Variants in TRAK1 observed in about 807,000 individuals in gnomAD.
TRAK1 encodes the protein trafficking kinesin-binding protein 1.
A neutral mutation model predicts 92.1 loss-of-function variants in TRAK1; 33 were observed. The ratio of observed to expected loss-of-function variants is 0.36; its 90% CI spans 0.27 to 0.48. The LOEUF is 0.48. Among genes scored for constraint, TRAK1 ranks in the 20% least tolerant of loss-of-function variants. TRAK1 has a pLI of 0.99. For synonymous variants in TRAK1, 521 were observed against 517.3 expected (o/e 1.01, Z -0.10); for missense variants, 1,123 against 1,257.9 (o/e 0.89, Z 1.62).
At position 42,079,474 on chromosome 3, in the gene TRAK1, CTTCTTTTT is replaced by C. The variant is rs939332832; in HGVS notation, c.-518-7627_-518-7620del. Among the ~76,000 whole-genome samples the C allele has an allele frequency of 9.7e-5, 13 of 133,984 alleles. No homozygotes were observed. In the South Asian group the frequency reaches 1.2e-3, roughly 13 times the overall value. The allele number at this position is 133,984 out of a possible 152,430, so 87.9% of individuals were successfully genotyped here. On this transcript the variant is annotated intron_variant, in intron 1 of 16. Transcript: ENST00000487159. ...GAGTTTGTCGTGAAGGAAGCTCCTT[CTTCTTTTT>C]TTTTTTTTTTTGTTTTGAGATAGAG...
chr3:42,028,147 G>A (rs1208568768), intron 1 of TRAK1, among the ~76,000 whole-genome samples: 2 of 152,160 alleles, frequency 1.3e-5, no homozygotes, highest in African/African-American at 2.4e-5. Flanking sequence ...CACCACCCCC[G>A]GCCACAGCCT....
At position 42,205,065 on chromosome 3, in the gene TRAK1, A is replaced by C. The variant is rs75543127; in HGVS notation, c.1744+2313A>C. Among the ~76,000 whole-genome samples the C allele has an allele frequency of 5.2e-3, 787 of 152,206 alleles. 8 individuals carry two copies. The highest frequency in any genetic ancestry group is 0.018 in the African/African-American group (745 of 41,516). Reference sequence around the variant, plus strand: ...CCCCACTTTTTGAGCCCTGTTTCCTATTTAGTTGTGGTTGTGAAATAGGCT... The same window carrying C: ...CCCCACTTTTTGAGCCCTGTTTCCTCTTTAGTTGTGGTTGTGAAATAGGCT... On this transcript the variant is annotated intron_variant, in intron 13 of 15. Coordinates refer to ENST00000327628, the MANE Select transcript of TRAK1 (RefSeq NM_001042646.3).
At chr3:42,137,093 T>C (rs1698055571) in intron 2 of TRAK1, among the ~76,000 whole-genome samples, 1 of 40,510 alleles carries the variant, frequency 2.5e-5, no homozygotes, top group Admixed American at 3.5e-4. Context: ...TTTTCTAGAT[T>C]TTTTTTTTCT....
chr3:42,030,362 T>TAA (rs778274238), intron 1 of TRAK1, among the ~76,000 whole-genome samples: 68 of 130,376 alleles, frequency 5.2e-4, no homozygotes, highest in African/African-American at 8.9e-4. Context: ...ACCCTGTCTC[T>TAA]AAAAAAAAAA....
intron 4 of TRAK1, among the ~76,000 whole-genome samples, chr3:42,185,763 C>A (rs903657830): frequency 6.6e-6 from 1 of 151,662 alleles, no homozygotes; most frequent in Admixed American, 6.6e-5. Flanking sequence ...CTTCCACCCC[C>A]CGAGTTCAAG....
intron 1 of TRAK1, among the ~76,000 whole-genome samples, chr3:42,032,404 G>A (rs925170886): frequency 2.0e-5 from 3 of 150,748 alleles, no homozygotes; most frequent in Non-Finnish European, 4.4e-5. Context: ...CATGTTGTTC[G>A]TAGCCAGGCG....
intron 2 of TRAK1, among the ~76,000 whole-genome samples, chr3:42,138,976 G>A (rs549610884): frequency 6.6e-4 from 100 of 150,610 alleles, no homozygotes; most frequent in African/African-American, 2.4e-3. Flanking sequence ...TCACCTAGAC[G>A]TGTGCGTGGT....
chr3:42,162,665 G>C (rs1429535516), intron 2 of TRAK1, among the ~76,000 whole-genome samples: 1 of 152,188 alleles, frequency 6.6e-6, no homozygotes, highest in Admixed American at 6.5e-5. Context: ...AGGTATCTTA[G>C]GGGTCTGGTG....
rs753910461 is a variant in TRAK1 at position 42,189,037 on chromosome 3, C to G, written c.603C>G (p.Ser201=). ...CCAGGTTGAAGAGGAATGAGTCGTCCTCCTCAGTCCAGAATTACTTTCATT... is the reference window on the plus strand; with the variant it reads ...CCAGGTTGAAGAGGAATGAGTCGTCGTCCTCAGTCCAGAATTACTTTCATT... ...CSTPLKRNES[S]SSVQNYFHLD... The change falls in exon 6 of 16, where the codon TCC becomes TCG. Residue 201 remains serine, a synonymous_variant. Coordinates refer to ENST00000327628, the MANE Select transcript of TRAK1 (RefSeq NM_001042646.3). 5 of 1,613,780 alleles carry G rather than the reference C, an allele frequency of 3.1e-6. No homozygotes were observed. The highest frequency in any genetic ancestry group is 1.7e-5 in the Admixed American group (1 of 60,014).
intron 1 of TRAK1, among the ~76,000 whole-genome samples, chr3:42,044,636 G>T (rs966776308): frequency 3.3e-5 from 5 of 152,232 alleles, no homozygotes; most frequent in Non-Finnish European, 5.9e-5. Flanking sequence ...TGCCAGCTGT[G>T]TGTGGCTGTT....
intron 15 of TRAK1, among the ~76,000 whole-genome samples, chr3:42,222,370 G>A (rs1291294162): frequency 1.3e-5 from 2 of 152,148 alleles, no homozygotes; most frequent in African/African-American, 4.8e-5. Flanking sequence ...CAGGATTCAG[G>A]AGCTCACGGC....
At chr3:42,210,402 CTAA>C in intron 14 of TRAK1, 2 of 1,107,550 alleles carry the variant, frequency 1.8e-6, no homozygotes, top group Non-Finnish European at 2.2e-6. Context: ...GGAAAGGCTG[CTAA>C]AAAAAAAAAA....
chr3:42,221,901 A>G (rs1434619595), intron 15 of TRAK1: 1 of 152,016 alleles, frequency 6.6e-6, no homozygotes, highest in Non-Finnish European at 1.5e-5. Context: ...AATTTTCCCC[A>G]ATACCCCGCC....
chr3:42,182,466 T>C (rs1177084484), intron 3 of TRAK1, among the ~76,000 whole-genome samples: 1 of 152,116 alleles, frequency 6.6e-6, no homozygotes, highest in African/African-American at 2.4e-5. Context: ...CCAATTTTTG[T>C]ATTTTTAGCA....
intron 1 of TRAK1, among the ~76,000 whole-genome samples, chr3:42,109,742 C>T (rs1416466925): frequency 6.6e-6 from 1 of 152,048 alleles, no homozygotes; most frequent in Non-Finnish European, 1.5e-5. Context: ...GAAAATGTGG[C>T]ACATATACAC....
upstream of TRAK1, among the ~76,000 whole-genome samples, chr3:42,090,497 C>T (rs991885501): frequency 1.3e-5 from 2 of 152,122 alleles, no homozygotes; most frequent in Non-Finnish European, 2.9e-5. Context: ...ACCAGCCTGG[C>T]CAACATGGTG....
intron 1 of TRAK1, among the ~76,000 whole-genome samples, chr3:42,043,084 C>G (rs72867936): frequency 3.9e-5 from 6 of 152,226 alleles, no homozygotes; most frequent in African/African-American, 1.4e-4. Context: ...GATCTTTCCT[C>G]TCCCTTTAAG....
At chr3:42,119,650 C>T (rs977772949) in intron 1 of TRAK1, among the ~76,000 whole-genome samples, 9 of 152,190 alleles carry the variant, frequency 5.9e-5, no homozygotes, top group African/African-American at 2.2e-4. Flanking sequence ...AAGCATGGCT[C>T]CAGCACCAGG....
intron 1 of TRAK1, among the ~76,000 whole-genome samples, chr3:42,122,763 T>C (rs1042934081): frequency 1.3e-5 from 2 of 152,188 alleles, no homozygotes; most frequent in Admixed American, 6.5e-5. Context: ...ATCTTCTGCC[T>C]TGAGGTTGGG....
Sources: allele counts gnomAD v4.1 joint callset (sites outside exome capture counted in the v4.1 genomes callset), GRCh38; gene constraint gnomAD v4.1.1; transcripts MANE v1.5; gene names NCBI Gene and HGNC (gene_info 2026-07-23, HGNC 2026-07-21).